The following KRT75 variants were observed in gnomAD, a reference collection of about 807,000 sequenced individuals.
KRT75 encodes keratin 75.
KRT75 carries 35 observed loss-of-function variants against 48.8 expected under a neutral mutation model. The ratio of observed to expected loss-of-function variants is 0.72; its 90% CI spans 0.55 to 0.95. The LOEUF (loss-of-function observed/expected upper bound fraction) is 0.95. KRT75 is among the 40% of genes least tolerant of loss of function. KRT75 has a pLI of 0.00. For missense variants in KRT75, 776 were observed against 709.9 expected (o/e 1.09, Z -1.06); for synonymous variants, 301 against 282.3 (o/e 1.07, Z -0.66).
Position 52,431,635 on chromosome 12 carries a change from C to A in KRT75, c.778G>T (p.Val260Leu), listed in dbSNP as rs769201202. The A allele has an allele frequency of 6.2e-7, 1 of 1,611,888 alleles. No homozygotes were observed. ...ENEFVALKKD[V>L]DAAYMNKVEL... ...ACCTTGTTCATATAGGCAGCATCTA[C>A]GTCCTGGAATGACAGCGCAGGATGC... is the stretch of plus-strand genomic sequence containing the variant. The change falls in exon 4 of 9, where the codon GTA becomes TTA. Residue 260 changes from valine to leucine, a missense_variant. Val to Leu is a conservative substitution (Grantham distance 32, BLOSUM62 1). Coordinates refer to ENST00000252245, the MANE Select transcript of KRT75 (RefSeq NM_004693.3).
chr12:52,430,879 C>A (rs1940136498), intron 4 of KRT75, among the ~76,000 whole-genome samples, 174 bp from the exon 5 acceptor site: 1 of 152,192 alleles, frequency 6.6e-6, no homozygotes, highest in Middle Eastern at 3.2e-3. Flanking sequence ...GAAAATCTTT[C>A]CCAGCCTTAC....
chr12:52,431,163 C>T (rs986408860), intron 4 of KRT75, among the ~76,000 whole-genome samples: 2 of 151,462 alleles, frequency 1.3e-5, no homozygotes, highest in African/African-American at 4.9e-5. Flanking sequence ...GGTAGGAAGC[C>T]CCCTGACCAA....
intron 1 of KRT75, 85 bp downstream of exon 1, chr12:52,433,722 C>A: frequency 1.9e-6 from 3 of 1,594,206 alleles, no homozygotes. Context: ...GGGGTCATTG[C>A]ATTATTGCTC....
chr12:52,428,877 T>C, intron 5 of KRT75, 134 bp from the exon 6 acceptor site: 1 of 1,059,804 alleles, frequency 9.4e-7, no homozygotes, highest in Non-Finnish European at 1.5e-6. Context: ...CCCTGAAGCT[T>C]ACAGTTTATT....
intron 6 of KRT75, 67 bp downstream of exon 6, chr12:52,428,551 T>C: frequency 6.2e-7 from 1 of 1,613,830 alleles, no homozygotes; most frequent in Non-Finnish European, 8.5e-7. Flanking sequence ...GAGGAGTTCT[T>C]AAAGATGGCA....
chr12:52,430,623 C>G lies in KRT75; in HGVS notation c.953G>C (p.Ser318Thr). 1 of 1,614,188 alleles carries G rather than the reference C, an allele frequency of 6.2e-7. No individual in the cohort carries two copies. Among genetic ancestry groups the G allele is most frequent in the Non-Finnish European group, 8.5e-7 (1 of 1,180,038 alleles). Reference protein sequence around the residue: ...MDNNRNLDLDSIIAEVKAQYE... With the variant: ...MDNNRNLDLDTIIAEVKAQYE... ...TTGTGCTTTGACCTCGGCGATGATA[C>G]TATCCAGGTCCAGGTTGCGGTTGTT... Residue 318 changes from serine (S) to threonine (T), a missense_variant, in exon 5 of 9, where the codon AGT becomes ACT. Ser to Thr is a moderately conservative substitution (Grantham distance 58). Transcript: ENST00000252245.
chr12:52,428,288 G>A lies in KRT75; in HGVS notation c.1350C>T (p.Thr450=), dbSNP rs755088403. Reference sequence around the variant, plus strand: ...CCTCGCCTTCCAGCAGCTTGCGGTAGGTGGCGATCTCCACGTCCAGGGCCA... The same window carrying A: ...CCTCGCCTTCCAGCAGCTTGCGGTAAGTGGCGATCTCCACGTCCAGGGCCA... ...IKLALDVEIA[T]YRKLLEGEEC... is the part of the protein sequence containing the mutation. The change falls in exon 7 of 9, where the codon ACC becomes ACT. Residue 450 remains threonine (T), a synonymous_variant. Coordinates refer to ENST00000252245, the MANE Select transcript of KRT75 (RefSeq NM_004693.3). 22 of 1,614,096 alleles carry A rather than the reference G, an allele frequency of 1.4e-5. No homozygotes were observed. Among genetic ancestry groups the A allele is most frequent in the Non-Finnish European group, 1.6e-5 (19 of 1,180,034 alleles).
intron 7 of KRT75, among the ~76,000 whole-genome samples, chr12:52,427,174 C>T (rs1257246643): frequency 6.6e-6 from 1 of 152,134 alleles, no homozygotes; most frequent in Non-Finnish European, 1.5e-5. Flanking sequence ...GAAAGAAGGG[C>T]CTGTCCTATA....
rs1940049092 is a variant in KRT75, at chr12:52,424,267, T to G, written c.*250A>C. The G allele has an allele frequency of 8.7e-6, 5 of 574,330 alleles. No individual in the cohort carries two copies. Among genetic ancestry groups the G allele is most frequent in the Non-Finnish European group, 1.6e-5 (5 of 317,794 alleles). 35.6% of individuals were successfully genotyped at this position (574,330 alleles called of 1,614,324 possible). On this transcript the variant is annotated 3_prime_UTR_variant, in exon 9 of 9. Coordinates refer to ENST00000252245, the MANE Select transcript of KRT75 (RefSeq NM_004693.3). Reference sequence around the variant, plus strand: ...TTCCAGCTGCCCGGGCCTCGCAAGATAGGCTGAATGAGAGCCTTAGGAGAG... The same window carrying G: ...TTCCAGCTGCCCGGGCCTCGCAAGAGAGGCTGAATGAGAGCCTTAGGAGAG...
In KRT75 at chr12:52,433,127, TCGGAG is replaced by T; in HGVS notation, c.619_623del (p.Leu207ThrfsTer14). The T allele has an allele frequency of 6.2e-7, 1 of 1,613,280 alleles. No individual in the cohort carries two copies. The highest frequency in any genetic ancestry group is 8.5e-7 in the Non-Finnish European group (1 of 1,179,816). ...CGGTGGTGATGCTTTCCAGCTGCCG[TCGGAG>T]CTCACTGGTATAGGAATCAAAGAGG... On this transcript the variant is annotated frameshift_variant, in exon 2 of 9. Transcript: ENST00000252245. LOFTEE classifies it high-confidence loss of function.
In KRT75 at chr12:52,428,436, C is replaced by A. The variant is rs370991901; in HGVS notation, c.1202G>T (p.Arg401Leu). 2 of 1,613,968 alleles carry A rather than the reference C, an allele frequency of 1.2e-6. No homozygotes were observed. Among genetic ancestry groups the A allele is most frequent in the Admixed American group, 1.7e-5 (1 of 59,982 alleles). Residue 401 changes from arginine to leucine, a missense_variant, in exon 7 of 9, where the codon CGG becomes CTG. Transcript: ENST00000252245. ...LQTAIADAEQ[R>L]GELALKDARA... The stretch of plus-strand genomic sequence containing the variant: ...TGCATCCTTGAGAGCCAGTTCTCCC[C>A]GCTGCTCTGCATCAGCAATGGCCGT...
chr12:52,426,240 T>G (rs973555869), intron 8 of KRT75, among the ~76,000 whole-genome samples: 8 of 152,208 alleles, frequency 5.3e-5, no homozygotes, highest in African/African-American at 1.9e-4. Context: ...CCTCTCCTGT[T>G]TTAGAGCTAC....
At position 52,430,714 on chromosome 12, in the gene KRT75, C is replaced by T; in HGVS notation, c.871-9G>A. 1.2e-6 allele frequency: 2 copies of T among 1,614,124 alleles called. No individual in the cohort carries two copies. Among genetic ancestry groups the T allele is most frequent in the South Asian group, 1.1e-5 (1 of 91,078 alleles). ...TGCAACTGGGACAGCTCCTGCAGGG[C>T]AGTAAACTCAGCATCACCAAGGCAT... On this transcript the variant is annotated splice_polypyrimidine_tract_variant and intron_variant, in intron 4 of 8. Transcript: ENST00000252245.
At chr12:52,430,518 C>G in intron 5 of KRT75, 23 bp downstream of exon 5, 4 of 1,612,388 alleles carry the variant, frequency 2.5e-6, no homozygotes, top group East Asian at 2.2e-5. Flanking sequence ...CCTGGAACCT[C>G]TCATGGAGGT....
intron 5 of KRT75, 51 bp downstream of exon 5, chr12:52,430,490 G>T (rs1469303382): frequency 6.4e-7 from 1 of 1,564,216 alleles, no homozygotes; most frequent in Non-Finnish European, 8.8e-7. Context: ...ATAATGTGGA[G>T]CCTCAGAGAA....
At chr12:52,425,082 G>C (rs530343638) in intron 8 of KRT75, among the ~76,000 whole-genome samples, 1 of 152,138 alleles carries the variant, frequency 6.6e-6, no homozygotes, top group Non-Finnish European at 1.5e-5. Context: ...GTCTGAGCCT[G>C]ACTCCAGAGT....
chr12:52,429,027 G>A (rs1460700815), intron 5 of KRT75, among the ~76,000 whole-genome samples: 1 of 152,204 alleles, frequency 6.6e-6, no homozygotes, highest in Admixed American at 6.5e-5. Flanking sequence ...GGGAAGTGGT[G>A]GTCAGAGAAG....
chr12:52,424,609 T>C lies in KRT75; in HGVS notation c.1564A>G (p.Ser522Gly). Residue 522 changes from serine (S) to glycine (G), a missense_variant, in exon 9 of 9, where the codon AGT (serine) becomes GGT (glycine). Transcript: ENST00000252245. ...CCTAAGCCCCGGTTGCTGGTGGCACTGAATCCAGAACCTCCCAGGCCTGCA... is the reference window on the plus strand; with the variant it reads ...CCTAAGCCCCGGTTGCTGGTGGCACCGAATCCAGAACCTCCCAGGCCTGCA... Reference protein sequence around the residue: ...LGAGLGGSGFSATSNRGLGGS... With the variant: ...LGAGLGGSGFGATSNRGLGGS... The C allele has an allele frequency of 1.9e-6, 3 of 1,614,190 alleles. No homozygotes were observed. The highest frequency in any genetic ancestry group is 1.3e-5 in the African/African-American group (1 of 75,050).
intron 7 of KRT75, among the ~76,000 whole-genome samples, chr12:52,427,860 G>T (rs1007473924): frequency 5.3e-5 from 8 of 152,130 alleles, no homozygotes; most frequent in African/African-American, 1.9e-4. Context: ...TGAAGAAATT[G>T]AGGGCCAGAG....
Sources: gnomAD v4.1 joint callset for allele counts (sites outside exome capture counted in the v4.1 genomes callset) on GRCh38, gnomAD v4.1.1 for gene constraint, MANE v1.5 for transcripts, NCBI Gene and HGNC (gene_info 2026-07-23, HGNC 2026-07-21) for gene names.